Variants in FBXW11 observed in about 807,000 individuals in gnomAD.
The protein encoded by FBXW11 is F-box/WD repeat-containing protein 11.
Under a neutral mutation model 77.6 loss-of-function variants are expected in FBXW11, and 19 were observed. The observed-to-expected ratio is 0.24, with a 90% CI of 0.17 to 0.36. The LOEUF (loss-of-function observed/expected upper bound fraction) is 0.36, where lower values mean the gene tolerates loss of function less well. Ranked by LOEUF, FBXW11 falls within the 10% of genes least tolerant of loss-of-function variation. The pLI, the probability that FBXW11 is intolerant of heterozygous loss-of-function variation, is 1.00. For missense variants in FBXW11, 334 were observed against 704.2 expected, an observed-to-expected ratio of 0.47 and a Z score of 5.95; for synonymous variants, 235 against 249.4, an observed-to-expected ratio of 0.94 and a Z score of 0.54.
In FBXW11 at chr5:171,891,496, T is replaced by C. The variant is rs755297318; in HGVS notation, c.823A>G (p.Ile275Val). The change falls in exon 7 of 14, where the codon ATC (isoleucine) becomes GTC (valine). Residue 275 changes from isoleucine to valine, a missense_variant. Physicochemically the swap from Ile to Val is conservative, Grantham distance 29. This residue lies in a region of FBXW11 where 70 missense variants were observed against 136.6 expected (regional missense o/e 0.51). Coordinates refer to ENST00000517395, the MANE Select transcript of FBXW11 (RefSeq NM_001378974.1). ...ATAGAATTATCTCGTAGGCCACTGA[T>C]AATTTTTTCATCATCGTACTGTAAA... ...YCLQYDDEKI[I>V]SGLRDNSIKI... 5 of 1,597,580 alleles carry C rather than the reference T, an allele frequency of 3.1e-6. No individual in the cohort carries two copies. The South Asian group carries it at 3.4e-5, about 11-fold the overall frequency.
chr5:172,004,845 C>A (rs1005111601), intron 1 of FBXW11, among the ~76,000 whole-genome samples: 6 of 149,484 alleles, frequency 4.0e-5, no homozygotes, highest in Non-Finnish European at 8.9e-5. Flanking sequence ...TATGTGACAT[C>A]CCTTTGAAAA....
At chr5:171,878,253 C>T (rs759528871) in intron 7 of FBXW11, 124 bp from the exon 8 acceptor site, 10 of 656,532 alleles carry the variant, frequency 1.5e-5, no homozygotes, top group South Asian at 3.8e-5. Context: ...ATAAGAAACA[C>T]TGAATAACAA....
intron 2 of FBXW11, among the ~76,000 whole-genome samples, chr5:171,948,610 CAAAA>C (rs538990449): frequency 1.1e-4 from 16 of 151,800 alleles, no homozygotes; most frequent in African/African-American, 3.6e-4. Context: ...AAAAATCAAA[CAAAA>C]AAAGTTATTT....
intron 1 of FBXW11, among the ~76,000 whole-genome samples, chr5:171,970,984 C>G (rs1310416388): frequency 6.6e-6 from 1 of 152,188 alleles, no homozygotes; most frequent in Non-Finnish European, 1.5e-5. Context: ...CTTTGATTCC[C>G]TTCACATTGT....
At chr5:171,929,325 G>A (rs529040290) in intron 2 of FBXW11, among the ~76,000 whole-genome samples, 267 of 152,022 alleles carry the variant, frequency 1.8e-3, no homozygotes, top group African/African-American at 6.0e-3. Context: ...AGCCAAGATC[G>A]CACCACTGCA....
chr5:171,890,516 G>A (rs1226405635), intron 7 of FBXW11, among the ~76,000 whole-genome samples: 1 of 149,478 alleles, frequency 6.7e-6, no homozygotes, highest in African/African-American at 2.5e-5. Context: ...TCTCATCACT[G>A]TAGATGGGAA....
intron 6 of FBXW11, among the ~76,000 whole-genome samples, chr5:171,896,213 T>C (rs974849933): frequency 6.6e-6 from 1 of 152,008 alleles, no homozygotes; most frequent in Non-Finnish European, 1.5e-5. Context: ...AGCCAAGCTG[T>C]CGAGGTGGAG....
intron 2 of FBXW11, among the ~76,000 whole-genome samples, chr5:171,939,666 CA>C (rs1313938205): frequency 1.4e-5 from 2 of 142,660 alleles, no homozygotes; most frequent in Non-Finnish European, 3.0e-5. Context: ...CACCGCACTC[CA>C]ACCTGGGCTA....
intron 2 of FBXW11, among the ~76,000 whole-genome samples, chr5:171,930,747 T>A (rs10074511): frequency 0.018 from 735 of 41,186 alleles, 5 homozygotes; most frequent in East Asian, 0.13. Flanking sequence ...AAATAAAAAA[T>A]AAAAAATAAA....
At chr5:171,898,866 A>T (rs1759925536) in intron 6 of FBXW11, 138 bp downstream of exon 6, 3 of 493,090 alleles carry the variant, frequency 6.1e-6, no homozygotes, top group Non-Finnish European at 1.1e-5. Flanking sequence ...ACAACATGAC[A>T]CATTTACTCC....
At chr5:171,878,407 A>T (rs1393604215) in intron 7 of FBXW11, among the ~76,000 whole-genome samples, 2 of 152,170 alleles carry the variant, frequency 1.3e-5, no homozygotes, top group East Asian at 1.9e-4. Flanking sequence ...TTAAAAATAA[A>T]ATCTGTGAAA....
intron 1 of FBXW11, among the ~76,000 whole-genome samples, chr5:171,974,194 G>A (rs1764687089): frequency 6.6e-6 from 1 of 152,086 alleles, no homozygotes; most frequent in Non-Finnish European, 1.5e-5. Context: ...CAGCACTTTG[G>A]GAGACCGAGG....
chr5:171,997,350 A>G (rs1047954691), intron 1 of FBXW11, among the ~76,000 whole-genome samples: 3 of 152,232 alleles, frequency 2.0e-5, no homozygotes, highest in African/African-American at 7.2e-5. Context: ...CCTATCATCC[A>G]TATAAATTGT....
intron 1 of FBXW11, among the ~76,000 whole-genome samples, chr5:171,974,575 A>G (rs1015963473): frequency 2.0e-5 from 3 of 152,038 alleles, no homozygotes; most frequent in African/African-American, 7.2e-5. Flanking sequence ...AACAGGAAGA[A>G]GCCGAGCATA....
chr5:171,968,239 G>A (rs370442617), intron 1 of FBXW11, among the ~76,000 whole-genome samples: 5 of 151,944 alleles, frequency 3.3e-5, no homozygotes, highest in East Asian at 1.9e-4. Flanking sequence ...GGCGGATCAC[G>A]AGGTCAGGAG....
At position 171,868,693 on chromosome 5, in the gene FBXW11, G is replaced by A. The variant is rs1288297558; in HGVS notation, c.1634C>T (p.Pro545Leu). Residue 545 changes from proline (P) to leucine (L), a missense_variant, in exon 13 of 14, where the codon CCC becomes CTC. Pro to Leu is a moderately conservative substitution (Grantham distance 98, BLOSUM62 -3). This residue lies in a region of FBXW11 where 20 missense variants were observed against 26.8 expected (regional missense o/e 0.75). Transcript: ENST00000517395. ...AGAACGGGTCTCATTCTGGGCACTG[G>A]GAGGCACATTTAAGAAATCCCAAAT... Reference protein sequence around the residue: ...ILIWDFLNVPPSAQNETRSPS... With the variant: ...ILIWDFLNVPLSAQNETRSPS... 1 of 1,613,932 alleles carries A rather than the reference G, an allele frequency of 6.2e-7. No individual in the cohort carries two copies. Among genetic ancestry groups the A allele is most frequent in the East Asian group, 2.2e-5 (1 of 44,880 alleles).
At chr5:171,935,496 A>AG (rs1483302463) in intron 2 of FBXW11, among the ~76,000 whole-genome samples, 1 of 152,210 alleles carries the variant, frequency 6.6e-6, no homozygotes, top group African/African-American at 2.4e-5. Context: ...TCCAGGTAAT[A>AG]GGGGAAACTG....
At chr5:171,967,883 T>TATATATATATATATATATAC (rs1244744249) in intron 1 of FBXW11, among the ~76,000 whole-genome samples, 2 of 74,978 alleles carry the variant, frequency 2.7e-5, no homozygotes, top group Admixed American at 1.4e-4. Context: ...TATATATATA[T>TATATATATATATATATATAC]ACACACACAC....
intron 2 of FBXW11, among the ~76,000 whole-genome samples, chr5:171,934,142 G>C (rs561490062): frequency 1.3e-5 from 2 of 152,146 alleles, no homozygotes; most frequent in African/African-American, 2.4e-5. Flanking sequence ...CTGTTTTTGA[G>C]AAACCTGGTT....
Sources: gnomAD v4.1 joint callset for allele counts (sites outside exome capture counted in the v4.1 genomes callset) on GRCh38, gnomAD v4.1.1 for gene constraint, gnomAD v4.1.1 regional missense constraint, MANE v1.5 for transcripts, NCBI Gene and HGNC (gene_info 2026-07-23, HGNC 2026-07-21) for gene names.